PCDHA11: variants seen among roughly 807,000 people sequenced by gnomAD.
PCDHA11 encodes the protein protocadherin alpha 11.
Under a neutral mutation model 70.3 loss-of-function variants are expected in PCDHA11, and 61 were observed. The ratio of observed to expected loss-of-function variants is 0.87; its 90% CI spans 0.71 to 1.07. The LOEUF (loss-of-function observed/expected upper bound fraction) is 1.07, where lower values mean the gene tolerates loss of function less well. Among genes scored for constraint, PCDHA11 ranks in the 50% least tolerant of loss-of-function variants. The pLI is 0.00. For synonymous variants in PCDHA11, 633 were observed against 555.1 expected (o/e 1.14, Z -1.97); for missense variants, 1,324 against 1,237.5 (o/e 1.07, Z -1.05).
intron 1 of PCDHA11, chr5:140,877,939 A>G (rs2057403639): frequency 7.2e-7 from 1 of 1,379,672 alleles, no homozygotes. Context: ...TCTATCCTTT[A>G]AACTATCGAA....
chr5:140,984,971 T>A (rs1437915679), intron 3 of PCDHA11, among the ~76,000 whole-genome samples: 1 of 152,080 alleles, frequency 6.6e-6, no homozygotes, highest in East Asian at 1.9e-4. Flanking sequence ...AGAGTCTCGC[T>A]CTGTCCCCCA....
At chr5:140,876,509 A>G (rs782112140) in intron 1 of PCDHA11, 2 of 1,614,020 alleles carry the variant, frequency 1.2e-6, no homozygotes, top group South Asian at 2.2e-5. Flanking sequence ...GTGAATGACA[A>G]TGTCCCTGAA....
At chr5:140,921,414 T>G (rs2080207969) in intron 1 of PCDHA11, among the ~76,000 whole-genome samples, 1 of 152,206 alleles carries the variant, frequency 6.6e-6, no homozygotes, top group Admixed American at 6.5e-5. Flanking sequence ...TCCTCTGTGC[T>G]GCAGACAAAA....
intron 1 of PCDHA11, among the ~76,000 whole-genome samples, chr5:140,941,126 G>T (rs1194807243): frequency 6.6e-6 from 1 of 151,906 alleles, no homozygotes; most frequent in Non-Finnish European, 1.5e-5. Flanking sequence ...GTCCTTTGAA[G>T]TTCCAGCTTA....
At chr5:140,934,879 T>C (rs1202301097) in intron 1 of PCDHA11, among the ~76,000 whole-genome samples, 1 of 152,206 alleles carries the variant, frequency 6.6e-6, no homozygotes, top group African/African-American at 2.4e-5. Flanking sequence ...TGTTTGTGTA[T>C]CTTGTTTTAA....
intron 1 of PCDHA11, among the ~76,000 whole-genome samples, chr5:140,944,227 G>A (rs1472509213): frequency 6.6e-6 from 1 of 152,046 alleles, no homozygotes; most frequent in Non-Finnish European, 1.5e-5. Flanking sequence ...TTACTCTGTC[G>A]CTCAGGCTGG....
intron 1 of PCDHA11, among the ~76,000 whole-genome samples, chr5:140,896,522 G>A (rs1228394123): frequency 6.7e-6 from 1 of 149,268 alleles, no homozygotes; most frequent in Non-Finnish European, 1.5e-5. Context: ...ACACCACAAA[G>A]CCCAGCTATT....
chr5:140,990,304 A>C (rs114506238), intron 3 of PCDHA11, among the ~76,000 whole-genome samples: 1 of 152,168 alleles, frequency 6.6e-6, no homozygotes, highest in African/African-American at 2.4e-5. Context: ...CATTGTCTGT[A>C]AAAAACCAAC....
intron 1 of PCDHA11, among the ~76,000 whole-genome samples, chr5:140,885,916 T>C (rs2060771663): frequency 1.3e-5 from 2 of 152,202 alleles, no homozygotes; most frequent in Admixed American, 1.3e-4. Flanking sequence ...CTTATAGATA[T>C]TAACTGTTTA....
chr5:140,869,508 C>G lies in PCDHA11; in HGVS notation c.405C>G (p.Leu135=). Residue 135 remains leucine (L), a synonymous_variant, in exon 1 of 4, where the codon CTC becomes CTG. Transcript: ENST00000398640. ...DINDNPPVFS[L]REQKLLIAES... ...ACGACAACCCGCCGGTGTTCTCGCT[C>G]AGAGAACAAAAGCTGCTGATTGCGG... 6.2e-7 allele frequency: 1 copy of G among 1,614,196 alleles called. No homozygotes were observed.
At chr5:140,883,922 C>T in intron 1 of PCDHA11, 1 of 1,613,240 alleles carries the variant, frequency 6.2e-7, no homozygotes, top group Non-Finnish European at 8.5e-7. Context: ...CGTGACGCTG[C>T]AGGTGTTCGT....
intron 1 of PCDHA11, among the ~76,000 whole-genome samples, chr5:140,886,431 ATTTG>A (rs1272820447): frequency 6.6e-6 from 1 of 152,012 alleles, no homozygotes; most frequent in East Asian, 1.9e-4. Context: ...ATTTCTATTC[ATTTG>A]TTTGTACTAA....
intron 1 of PCDHA11, among the ~76,000 whole-genome samples, chr5:140,951,495 G>A (rs1554219919): frequency 1.3e-5 from 2 of 151,958 alleles, no homozygotes; most frequent in African/African-American, 4.8e-5. Context: ...ATGGTGGAAG[G>A]CAAAAGGAAA....
chr5:140,955,468 T>C (rs1394591179), intron 1 of PCDHA11, among the ~76,000 whole-genome samples: 1 of 152,116 alleles, frequency 6.6e-6, no homozygotes, highest in Non-Finnish European at 1.5e-5. Context: ...TCCTTTTTGC[T>C]TGGCACCTCT....
In PCDHA11 at chr5:141,010,018, T is replaced by G. The variant is rs1257083450; in HGVS notation, c.*81T>G. On this transcript the variant is annotated 3_prime_UTR_variant, in exon 4 of 4. Coordinates refer to ENST00000398640, the MANE Select transcript of PCDHA11 (RefSeq NM_018902.5). ...TCCCATGTAGCAATTCCCTGCTCCTTTTTCCTATCTACATGAGCCCTCTTA... is the reference window on the plus strand; with the variant it reads ...TCCCATGTAGCAATTCCCTGCTCCTGTTTCCTATCTACATGAGCCCTCTTA... 2.5e-5 allele frequency: 40 copies of G among 1,571,834 alleles called. No homozygotes were observed. Among genetic ancestry groups the G allele is most frequent in the Non-Finnish European group, 3.4e-5 (39 of 1,163,118 alleles).
chr5:140,986,018 C>T (rs943946792), intron 3 of PCDHA11, among the ~76,000 whole-genome samples: 2 of 152,110 alleles, frequency 1.3e-5, no homozygotes, highest in African/African-American at 2.4e-5. Flanking sequence ...GGATTACAGG[C>T]GTGAGCCACT....
At chr5:140,947,769 A>T (rs2094173274) in intron 1 of PCDHA11, among the ~76,000 whole-genome samples, 1 of 151,626 alleles carries the variant, frequency 6.6e-6, no homozygotes, top group Non-Finnish European at 1.5e-5. Context: ...AAAAAATTCT[A>T]TTGTAAATGG....
At chr5:140,880,068 A>G (rs2058226577) in intron 1 of PCDHA11, among the ~76,000 whole-genome samples, 1 of 152,252 alleles carries the variant, frequency 6.6e-6, no homozygotes, top group South Asian at 2.1e-4. Flanking sequence ...TTTGGGGACC[A>G]CAATTCAACC....
chr5:140,877,372 A>T, intron 1 of PCDHA11: 6 of 1,613,992 alleles, frequency 3.7e-6, no homozygotes, highest in Non-Finnish European at 5.1e-6. Flanking sequence ...GATCAGCACG[A>T]CACGCATCCT....
Sources: allele counts gnomAD v4.1 joint callset (sites outside exome capture counted in the v4.1 genomes callset), GRCh38; gene constraint gnomAD v4.1.1; transcripts MANE v1.5; gene names NCBI Gene and HGNC (gene_info 2026-07-23, HGNC 2026-07-21).